GREM2: variants seen among roughly 807,000 people sequenced by gnomAD.
The protein encoded by GREM2 is gremlin-2.
GREM2 carries 11 observed loss-of-function variants against 14.2 expected under a neutral mutation model. The observed-to-expected ratio is 0.78, with a 90% CI of 0.49 to 1.28. GREM2 has a LOEUF of 1.28. GREM2 is among the 50% of genes most tolerant of loss of function. The probability of loss-of-function intolerance (pLI) is 0.00; values close to 1 mark genes in which losing one functional copy is unlikely to be tolerated. For synonymous variants in GREM2, 98 were observed against 97.6 expected (o/e 1.00, Z -0.02); for missense variants, 210 against 218.5 (o/e 0.96, Z 0.24).
Position 240,609,048 on chromosome 1 carries a change from A to T in GREM2, c.-2+2836T>A, listed in dbSNP as rs147435818. On this transcript the variant is annotated intron_variant, in intron 1 of 1. Transcript: ENST00000318160. ...TTATTTAAAATATTCAGGATGTCTCATCAAAAATGTATACTTGAAGCTAAT... is the reference window on the plus strand; with the variant it reads ...TTATTTAAAATATTCAGGATGTCTCTTCAAAAATGTATACTTGAAGCTAAT... Among the ~76,000 whole-genome samples, 66 of 152,352 alleles carry T rather than the reference A, an allele frequency of 4.3e-4. 1 individual carries two copies. The highest frequency in any genetic ancestry group is 1.4e-3 in the African/African-American group (57 of 41,580).
intron 1 of GREM2, among the ~76,000 whole-genome samples, chr1:240,556,401 G>A (rs1341642153): frequency 1.3e-5 from 2 of 152,174 alleles, no homozygotes; most frequent in Non-Finnish European, 2.9e-5. Flanking sequence ...TCACTCTGCA[G>A]TGCATTCCAC....
At chr1:240,552,004 A>G (rs1678863082) in intron 1 of GREM2, among the ~76,000 whole-genome samples, 1 of 152,018 alleles carries the variant, frequency 6.6e-6, no homozygotes, top group South Asian at 2.1e-4. Context: ...TATGAAGCCA[A>G]CATTCTCCAT....
chr1:240,521,960 T>C (rs13376509), intron 1 of GREM2, among the ~76,000 whole-genome samples: 3,529 of 150,150 alleles, frequency 0.024, 130 homozygotes, highest in African/African-American at 0.083. Flanking sequence ...AAAAAAAAAA[T>C]TTTTTTTTAA....
intron 1 of GREM2, among the ~76,000 whole-genome samples, chr1:240,517,551 T>C (rs1272001550): frequency 6.6e-6 from 1 of 152,222 alleles, no homozygotes; most frequent in East Asian, 1.9e-4. Context: ...CCATAGTATG[T>C]ATTCTTACTC....
At chr1:240,529,578 A>G (rs1194100809) in intron 1 of GREM2, among the ~76,000 whole-genome samples, 1 of 152,156 alleles carries the variant, frequency 6.6e-6, no homozygotes, top group African/African-American at 2.4e-5. Flanking sequence ...GATATGTCAG[A>G]TGAATAAAAA....
intron 1 of GREM2, chr1:240,530,826 G>A (rs551237249): frequency 6.6e-6 from 1 of 152,196 alleles, no homozygotes; most frequent in Non-Finnish European, 1.5e-5. Flanking sequence ...CAAAAATAGG[G>A]CCTCACAGTT....
At chr1:240,516,613 C>G (rs1677962095) in intron 1 of GREM2, among the ~76,000 whole-genome samples, 1 of 152,094 alleles carries the variant, frequency 6.6e-6, no homozygotes, top group African/African-American at 2.4e-5. Context: ...TATACTGTGT[C>G]TCTCCAAAAG....
At chr1:240,564,976 G>A (rs761169369) in intron 1 of GREM2, among the ~76,000 whole-genome samples, 12 of 152,166 alleles carry the variant, frequency 7.9e-5, no homozygotes, top group Non-Finnish European at 1.6e-4. Context: ...ATACTGTGTT[G>A]ACTTCCTTTT....
At chr1:240,551,864 T>A (rs1678861015) in intron 1 of GREM2, among the ~76,000 whole-genome samples, 1 of 152,170 alleles carries the variant, frequency 6.6e-6, no homozygotes, top group Admixed American at 6.5e-5. Context: ...AGTCATAGTT[T>A]CTTCAAGAAA....
chr1:240,501,651 G>A (rs1332042609), intron 1 of GREM2, among the ~76,000 whole-genome samples: 2 of 149,572 alleles, frequency 1.3e-5, no homozygotes, highest in African/African-American at 4.8e-5. Context: ...CAAGTGGGCT[G>A]CTTCTCTCTA....
chr1:240,605,561 C>T (rs1228637494), intron 1 of GREM2, among the ~76,000 whole-genome samples: 1 of 152,028 alleles, frequency 6.6e-6, no homozygotes, highest in Admixed American at 6.6e-5. Flanking sequence ...AAAATCTAAC[C>T]TCTGAAAACC....
chr1:240,563,510 C>T (rs944507965), intron 1 of GREM2, among the ~76,000 whole-genome samples: 10 of 152,104 alleles, frequency 6.6e-5, no homozygotes, highest in Admixed American at 1.3e-4. Context: ...AAAAATGTTC[C>T]GTGCCCAGCT....
intron 1 of GREM2, among the ~76,000 whole-genome samples, chr1:240,504,082 T>C (rs1379351362): frequency 6.6e-6 from 1 of 152,236 alleles, no homozygotes; most frequent in African/African-American, 2.4e-5. Flanking sequence ...AACTTCTCAA[T>C]AGGAGTGACA....
At chr1:240,510,398 A>AAAAAAAAAAAAC (rs1677796672) in intron 1 of GREM2, among the ~76,000 whole-genome samples, 1 of 128,696 alleles carries the variant, frequency 7.8e-6, no homozygotes, top group African/African-American at 3.2e-5. Flanking sequence ...AAAAAAAAAA[A>AAAAAAAAAAAAC]ATCAAATGGT....
intron 1 of GREM2, among the ~76,000 whole-genome samples, chr1:240,591,526 C>T (rs906762244): frequency 5.3e-5 from 8 of 152,152 alleles, no homozygotes; most frequent in African/African-American, 9.7e-5. Context: ...TGTTAGTCGA[C>T]GCTCACGTTT....
intron 1 of GREM2, chr1:240,531,690 T>C: frequency 1.0e-6 from 1 of 962,758 alleles, no homozygotes; most frequent in South Asian, 4.9e-5. Flanking sequence ...GCTCTCATTT[T>C]TCTTTTCTTT....
chr1:240,504,384 A>T (rs964629685), intron 1 of GREM2, among the ~76,000 whole-genome samples: 1 of 152,226 alleles, frequency 6.6e-6, no homozygotes, highest in Non-Finnish European at 1.5e-5. Flanking sequence ...GGCTACCCGT[A>T]GGCTTTCCAA....
At chr1:240,564,033 G>A (rs1278117822) in intron 1 of GREM2, among the ~76,000 whole-genome samples, 1 of 151,720 alleles carries the variant, frequency 6.6e-6, no homozygotes, top group Non-Finnish European at 1.5e-5. Context: ...AATATAGTGA[G>A]ACCCTACCTC....
intron 1 of GREM2, among the ~76,000 whole-genome samples, chr1:240,559,340 CTTT>C (rs61006579): frequency 1.1e-3 from 120 of 110,068 alleles, no homozygotes; most frequent in South Asian, 7.0e-3. Context: ...ATCAAAAAGT[CTTT>C]TTTTTTTTTT....
Sources: allele counts gnomAD v4.1 joint callset (sites outside exome capture counted in the v4.1 genomes callset), GRCh38; gene constraint gnomAD v4.1.1; transcripts MANE v1.5; gene names NCBI Gene and HGNC (gene_info 2026-07-23, HGNC 2026-07-21).